CACNA2D4: variants seen among roughly 807,000 people sequenced by gnomAD.
CACNA2D4 encodes voltage-dependent calcium channel subunit alpha-2/delta-4.
In CACNA2D4, 157 loss-of-function variants were observed where a neutral mutation model predicts 163.8. That is an observed-to-expected ratio of 0.96 (90% CI 0.84 to 1.09). CACNA2D4 has a LOEUF of 1.09. Among genes scored for constraint, CACNA2D4 ranks in the 50% least tolerant of loss-of-function variants. The pLI is 0.00. For synonymous variants in CACNA2D4, 598 were observed against 586.9 expected, an observed-to-expected ratio of 1.02 and a Z score of -0.27; for missense variants, 1,410 against 1,479.9, an observed-to-expected ratio of 0.95 and a Z score of 0.78.
At position 1,858,577 on chromosome 12, in the gene CACNA2D4, C is replaced by T. The variant is rs769147960; in HGVS notation, c.2008G>A (p.Gly670Ser). The change falls in exon 20 of 38, where the codon GGC becomes AGC. Residue 670 changes from glycine to serine, a missense_variant and splice_region_variant. Transcript: ENST00000382722. ...CCCTCAGCCCCTGGTACCGACCCACCTTCTTCCACAGACGTGTTCCCCAGA... is the reference window on the plus strand; with the variant it reads ...CCCTCAGCCCCTGGTACCGACCCACTTTCTTCCACAGACGTGTTCCCCAGA... ...ILLGNTSVEE[G>S]LHDLLHPDLA... is the part of the protein sequence containing the mutation. The T allele has an allele frequency of 4.0e-5, 65 of 1,613,498 alleles. No individual in the cohort carries two copies. In the East Asian group the frequency reaches 7.8e-4, roughly 19 times the overall value.
chr12:1,896,817 G>T (rs956254155), intron 6 of CACNA2D4, among the ~76,000 whole-genome samples: 1 of 152,174 alleles, frequency 6.6e-6, no homozygotes, highest in Non-Finnish European at 1.5e-5. Flanking sequence ...CAAAGGGAAA[G>T]AAATCTGTTT....
At chr12:1,840,445 G>GA (rs1864990901) in intron 26 of CACNA2D4, among the ~76,000 whole-genome samples, 1 of 136,696 alleles carries the variant, frequency 7.3e-6, no homozygotes, top group South Asian at 2.8e-4. Context: ...GTGGAAGAGG[G>GA]GGGTGGGTGG....
At chr12:1,830,949 A>C in intron 26 of CACNA2D4, 1 of 1,602,138 alleles carries the variant, frequency 6.2e-7, no homozygotes, top group Non-Finnish European at 8.5e-7. Flanking sequence ...CACCTGCTGG[A>C]TCGCCCTGTA....
At chr12:1,898,424 G>T (rs767527587) in intron 6 of CACNA2D4, among the ~76,000 whole-genome samples, 1 of 152,056 alleles carries the variant, frequency 6.6e-6, no homozygotes, top group African/African-American at 2.4e-5. Flanking sequence ...CCAAGAACAT[G>T]AACAGATATT....
chr12:1,814,740 CT>C (rs1315892366), intron 26 of CACNA2D4, among the ~76,000 whole-genome samples: 1 of 152,232 alleles, frequency 6.6e-6, no homozygotes, highest in Non-Finnish European at 1.5e-5. Flanking sequence ...ATTGCTCTCA[CT>C]TGGATTAATG....
rs528080624 is a variant in CACNA2D4, at chr12:1,878,009, G to A, written c.1719+306C>T. 3.9e-4 allele frequency among the ~76,000 whole-genome samples: 59 copies of A among 152,292 alleles called. No individual in the cohort carries two copies. Among genetic ancestry groups the A allele is most frequent in the African/African-American group, 1.4e-3 (58 of 41,550 alleles). On this transcript the variant is annotated intron_variant, in intron 16 of 37. Transcript: ENST00000382722. The surrounding 1 kb of genome is among the most constrained non-coding windows in gnomAD (Gnocchi z 4.6). ...TCACCCAACTTCGCAGGCCCCCAGAGTTCTGAGAGACTCCAAGCAGATGTG... is the reference window on the plus strand; with the variant it reads ...TCACCCAACTTCGCAGGCCCCCAGAATTCTGAGAGACTCCAAGCAGATGTG...
chr12:1,872,958 A>C (rs1052173568), intron 18 of CACNA2D4, among the ~76,000 whole-genome samples: 1 of 152,208 alleles, frequency 6.6e-6, no homozygotes. Flanking sequence ...AAGGCCTTCT[A>C]GAGCAGTGGT....
chr12:1,865,773 T>C (rs1249125098), intron 18 of CACNA2D4, among the ~76,000 whole-genome samples: 1 of 152,218 alleles, frequency 6.6e-6, no homozygotes, highest in African/African-American at 2.4e-5. Context: ...TGCGGGGCGC[T>C]GGCCTGAAGG....
intron 5 of CACNA2D4, 121 bp downstream of exon 5, chr12:1,907,754 G>GGACGGCCT: frequency 7.6e-7 from 1 of 1,312,228 alleles, no homozygotes; most frequent in Non-Finnish European, 1.1e-6. Flanking sequence ...CGTGTCTGGT[G>GGACGGCCT]GGTGTGTCTG....
At chr12:1,804,121 CTGTGTGTGTGTG>C (rs57706301) in intron 29 of CACNA2D4, among the ~76,000 whole-genome samples, 95 of 139,168 alleles carry the variant, frequency 6.8e-4, no homozygotes, top group African/African-American at 2.0e-3. Flanking sequence ...ATTCTAGTTA[CTGTGTGTGTGTG>C]TGTGTGTGTG....
intron 6 of CACNA2D4, among the ~76,000 whole-genome samples, chr12:1,893,867 C>T (rs1388420391): frequency 6.6e-6 from 1 of 151,820 alleles, no homozygotes; most frequent in Non-Finnish European, 1.5e-5. Context: ...AAGAACAAAC[C>T]AAACCTAAAA....
Position 1,908,008 on chromosome 12 carries a change from G to GTT in CACNA2D4, c.514_515dup (p.Asn172LysfsTer30), listed in dbSNP as rs757486215. ...CGAAGTTGCCCTTCTCGTCCCTCTC[G>GTT]TTGATCAGGACCGAGTTGTAATAGT... On this transcript the variant is annotated frameshift_variant, in exon 5 of 38. Transcript: ENST00000382722. LOFTEE classifies it high-confidence loss of function. 15 of 1,613,852 alleles carry GTT rather than the reference G, an allele frequency of 9.3e-6. No homozygotes were observed. The African/African-American group carries it at 1.6e-4, about 17-fold the overall frequency.
At chr12:1,909,104 A>G (rs1373355152) in intron 4 of CACNA2D4, among the ~76,000 whole-genome samples, 1 of 152,094 alleles carries the variant, frequency 6.6e-6, no homozygotes, top group Non-Finnish European at 1.5e-5. Flanking sequence ...ACTGTCCAAG[A>G]CCACTGCCTT....
rs762349262 is a variant in CACNA2D4, at chr12:1,884,296, C to G, written c.1298G>C (p.Gly433Ala). 6.2e-7 allele frequency: 1 copy of G among 1,612,550 alleles called. No homozygotes were observed. The highest frequency in any genetic ancestry group is 8.5e-7 in the Non-Finnish European group (1 of 1,179,534). ...GCGGTCAGCAAAAGACACTTCTCTC[C>G]CAATGAGGTAAGTGAAAACTCGGAC... is the stretch of plus-strand genomic sequence containing the variant. Reference protein sequence around the residue: ...CKVRVFTYLIGREVSFADRMK... With the variant: ...CKVRVFTYLIAREVSFADRMK... The change falls in exon 12 of 38, where the codon GGG (glycine) becomes GCG (alanine). Residue 433 changes from glycine to alanine, a missense_variant. Transcript: ENST00000382722.
chr12:1,892,676 C>G (rs1420595742), intron 6 of CACNA2D4, among the ~76,000 whole-genome samples: 35 of 151,982 alleles, frequency 2.3e-4, no homozygotes, highest in Admixed American at 2.3e-3. Flanking sequence ...ATTAAACTTT[C>G]TATTTAAAAG....
Position 1,858,562 on chromosome 12 carries a change from C to T in CACNA2D4, c.2008+15G>A, listed in dbSNP as rs746795696. On this transcript the variant is annotated intron_variant, in intron 20 of 37. Coordinates refer to ENST00000382722, the MANE Select transcript of CACNA2D4 (RefSeq NM_172364.5). ...TTTCTGCTTAACTGTCCCTCAGCCC[C>T]TGGTACCGACCCACCTTCTTCCACA... The T allele has an allele frequency of 1.2e-6, 2 of 1,613,230 alleles. No homozygotes were observed. Among genetic ancestry groups the T allele is most frequent in the Non-Finnish European group, 1.7e-6 (2 of 1,179,368 alleles).
Position 1,878,412 on chromosome 12 carries a change from C to T in CACNA2D4, c.1645-23G>A, listed in dbSNP as rs376230695. On this transcript the variant is annotated intron_variant, in intron 15 of 37. Coordinates refer to ENST00000382722, the MANE Select transcript of CACNA2D4 (RefSeq NM_172364.5). The surrounding 1 kb of genome is among the most constrained non-coding windows in gnomAD (Gnocchi z 4.6). ...AAGCTGCCAGAGTCCAGGGTGGAGGCGCATTAGGCCTGCTGTTTGTGCTGG... is the reference window on the plus strand; with the variant it reads ...AAGCTGCCAGAGTCCAGGGTGGAGGTGCATTAGGCCTGCTGTTTGTGCTGG... 145 of 1,581,624 alleles carry T rather than the reference C, an allele frequency of 9.2e-5. No homozygotes were observed. The highest frequency in any genetic ancestry group is 4.0e-4 in the Admixed American group (22 of 54,934).
intron 20 of CACNA2D4, 51 bp downstream of exon 20, chr12:1,858,526 G>C (rs540696448): frequency 1.4e-5 from 22 of 1,546,884 alleles, no homozygotes; most frequent in Non-Finnish European, 1.5e-5. Context: ...TGTCCCATGA[G>C]AGCCCATTAT....
intron 23 of CACNA2D4, among the ~76,000 whole-genome samples, chr12:1,849,394 T>A (rs554345986): frequency 1.3e-5 from 2 of 152,222 alleles, no homozygotes; most frequent in Non-Finnish European, 2.9e-5. Context: ...AGAATAACAA[T>A]GCCAATACTA....
Sources: gnomAD v4.1 joint callset for allele counts (sites outside exome capture counted in the v4.1 genomes callset) on GRCh38, gnomAD v4.1.1 for gene constraint, Gnocchi (gnomAD v3.1) non-coding constraint, MANE v1.5 for transcripts, NCBI Gene and HGNC (gene_info 2026-07-23, HGNC 2026-07-21) for gene names.